Variants in DOCK4 observed in about 807,000 individuals in gnomAD.
DOCK4 encodes dedicator of cytokinesis 4, also known as dedicator of cytokinesis protein 4.
DOCK4 carries 97 observed loss-of-function variants against 268.1 expected under a neutral mutation model. The observed-to-expected ratio is 0.36, with a 90% CI of 0.31 to 0.43. The LOEUF (loss-of-function observed/expected upper bound fraction) is 0.43, where lower values mean the gene tolerates loss of function less well. Ranked by LOEUF, DOCK4 falls within the 20% of genes least tolerant of loss-of-function variation. DOCK4 has a pLI of 1.00. For synonymous variants in DOCK4, 954 were observed against 887.2 expected (o/e 1.08, Z -1.34); for missense variants, 2,145 against 2,455.7 (o/e 0.87, Z 2.67).
intron 36 of DOCK4, among the ~76,000 whole-genome samples, chr7:111,776,051 C>T (rs1417953143): frequency 2.0e-5 from 3 of 152,222 alleles, no homozygotes; most frequent in Admixed American, 1.3e-4. Flanking sequence ...ACAAGGACTT[C>T]TGTCTGTTAA....
intron 22 of DOCK4, among the ~76,000 whole-genome samples, chr7:111,865,876 G>A (rs985906155): frequency 2.0e-4 from 30 of 152,170 alleles, no homozygotes; most frequent in South Asian, 6.2e-4. Flanking sequence ...TCCCCCCACC[G>A]GCTGACTGCC....
chr7:111,882,980 A>T (rs987835109), intron 16 of DOCK4, among the ~76,000 whole-genome samples: 1 of 152,184 alleles, frequency 6.6e-6, no homozygotes, highest in African/African-American at 2.4e-5. Context: ...GAATATGACA[A>T]GATGTTCTAA....
chr7:112,119,572 G>A (rs1452998668), intron 1 of DOCK4, among the ~76,000 whole-genome samples: 1 of 152,108 alleles, frequency 6.6e-6, no homozygotes, highest in African/African-American at 2.4e-5. Flanking sequence ...CCAAGCAACT[G>A]TGCCCTAAAC....
chr7:111,961,913 T>C (rs181564319), intron 8 of DOCK4, among the ~76,000 whole-genome samples: 8 of 152,220 alleles, frequency 5.3e-5, no homozygotes, highest in Non-Finnish European at 7.3e-5. Flanking sequence ...CTTTATGGCC[T>C]ACATACAGTA....
intron 1 of DOCK4, among the ~76,000 whole-genome samples, chr7:112,112,034 T>C (rs1811701988): frequency 6.6e-6 from 1 of 152,148 alleles, no homozygotes; most frequent in Admixed American, 6.5e-5. Context: ...TTGTTTTTAG[T>C]TTCTAGCCAC....
At chr7:111,810,437 G>A (rs1048850370) in intron 28 of DOCK4, among the ~76,000 whole-genome samples, 3 of 151,094 alleles carry the variant, frequency 2.0e-5, no homozygotes, top group Admixed American at 6.6e-5. Context: ...GGGCGACAGA[G>A]GGAGATTCTG....
intron 4 of DOCK4, among the ~76,000 whole-genome samples, chr7:111,997,794 G>A (rs1161484569): frequency 6.6e-6 from 1 of 152,146 alleles, no homozygotes; most frequent in African/African-American, 2.4e-5. Context: ...TATGATGAAT[G>A]ATCTGCTTAT....
chr7:112,185,641 T>C (rs1253607239), intron 1 of DOCK4, among the ~76,000 whole-genome samples: 2 of 151,268 alleles, frequency 1.3e-5, no homozygotes, highest in Non-Finnish European at 2.9e-5. Context: ...TCACTTGAAA[T>C]AAAAGACACC....
At chr7:112,000,004 A>T (rs915069435) in intron 3 of DOCK4, among the ~76,000 whole-genome samples, 2 of 152,088 alleles carry the variant, frequency 1.3e-5, no homozygotes, top group African/African-American at 2.4e-5. Context: ...TTTCTGCCTG[A>T]AATGGTAAGA....
chr7:112,082,903 C>T (rs900924202), intron 1 of DOCK4, among the ~76,000 whole-genome samples: 1 of 152,006 alleles, frequency 6.6e-6, no homozygotes. Context: ...ATTAAAGTAT[C>T]ATTTATTCTA....
At chr7:112,060,326 T>C (rs955044609) in intron 1 of DOCK4, among the ~76,000 whole-genome samples, 1 of 152,088 alleles carries the variant, frequency 6.6e-6, no homozygotes, top group Non-Finnish European at 1.5e-5. Context: ...CTAACAAATG[T>C]TGGTGAGGAT....
At chr7:112,089,537 T>C (rs1218447464) in intron 1 of DOCK4, among the ~76,000 whole-genome samples, 1 of 152,212 alleles carries the variant, frequency 6.6e-6, no homozygotes, top group African/African-American at 2.4e-5. Context: ...CCAAAGGACA[T>C]ATGAATCAAA....
chr7:112,055,205 A>G (rs1240769026), intron 1 of DOCK4, among the ~76,000 whole-genome samples: 1 of 152,252 alleles, frequency 6.6e-6, no homozygotes. Flanking sequence ...ATAATGACCT[A>G]AAATACTTCT....
chr7:112,000,682 C>T, intron 2 of DOCK4, 148 bp from the exon 3 acceptor site: 1 of 478,088 alleles, frequency 2.1e-6, no homozygotes, highest in Non-Finnish European at 3.6e-6. Context: ...CCTTAGGCTA[C>T]AAAATAGCTC....
At chr7:112,059,921 G>A (rs1806243955) in intron 1 of DOCK4, among the ~76,000 whole-genome samples, 1 of 152,130 alleles carries the variant, frequency 6.6e-6, no homozygotes, top group African/African-American at 2.4e-5. Context: ...ACATTTAAGA[G>A]CCAATAAAAA....
At chr7:112,102,132 CG>C (rs1563085962) in intron 1 of DOCK4, among the ~76,000 whole-genome samples, 1 of 152,176 alleles carries the variant, frequency 6.6e-6, no homozygotes. Context: ...CGACCTCCCT[CG>C]GTTCTTGCTA....
chr7:111,863,711 G>T, intron 22 of DOCK4, 147 bp from the exon 23 acceptor site: 1 of 910,400 alleles, frequency 1.1e-6, no homozygotes, highest in Non-Finnish European at 1.6e-6. Flanking sequence ...AAAGCTAAAA[G>T]GTAAATTTTT....
At chr7:111,854,975 T>C (rs977650531) in intron 23 of DOCK4, among the ~76,000 whole-genome samples, 1 of 152,172 alleles carries the variant, frequency 6.6e-6, no homozygotes, top group African/African-American at 2.4e-5. Context: ...ATTGAGTGGG[T>C]GGGGCACCAA....
chr7:111,997,614 T>G (rs538203435), intron 4 of DOCK4, among the ~76,000 whole-genome samples: 2 of 152,324 alleles, frequency 1.3e-5, no homozygotes, highest in Middle Eastern at 6.8e-3. Context: ...GCCATTACTA[T>G]GCTTTAAGAA....
Sources: gnomAD v4.1 joint callset for allele counts (sites outside exome capture counted in the v4.1 genomes callset) on GRCh38, gnomAD v4.1.1 for gene constraint, MANE v1.5 for transcripts, NCBI Gene and HGNC (gene_info 2026-07-23, HGNC 2026-07-21) for gene names.